The following UPF2 variants were observed in gnomAD, a reference collection of about 807,000 sequenced individuals.
UPF2 encodes the protein regulator of nonsense transcripts 2.
In UPF2, 17 loss-of-function variants were observed where a neutral mutation model predicts 141.4. The ratio of observed to expected loss-of-function variants is 0.12; its 90% CI spans 0.08 to 0.18. The LOEUF is 0.18. Among genes scored for constraint, UPF2 ranks in the 10% least tolerant of loss-of-function variants. The pLI is 1.00. For synonymous variants in UPF2, 540 were observed against 498.0 expected (o/e 1.08, Z -1.12); for missense variants, 1,152 against 1,515.9 (o/e 0.76, Z 3.99).
At position 12,028,864 on chromosome 10, in the gene UPF2, C is replaced by T; in HGVS notation, c.1026G>A (p.Glu342=). Residue 342 remains glutamate, a synonymous_variant, in exon 3 of 22, where the codon GAG becomes GAA. Transcript: ENST00000357604. ...EKFNLSFPPS[E]IISPEKQQPF... ...GCTGTTGTTTCTCTGGACTAATTAT[C>T]TCACTAGGAGGAAAACTCAAATTAA... 1 of 1,614,146 alleles carries T rather than the reference C, an allele frequency of 6.2e-7. No individual in the cohort carries two copies. Among genetic ancestry groups the T allele is most frequent in the Non-Finnish European group, 8.5e-7 (1 of 1,180,022 alleles).
At chr10:12,021,898 C>A (rs1224455006) in intron 3 of UPF2, among the ~76,000 whole-genome samples, 1 of 152,146 alleles carries the variant, frequency 6.6e-6, no homozygotes. Context: ...GTAATCTCAG[C>A]ACTTTGGGAG....
rs1832855319 is a variant in UPF2 at position 11,936,675 on chromosome 10, T to A, written c.3416A>T (p.Asp1139Val). 1 of 1,612,460 alleles carries A rather than the reference T, an allele frequency of 6.2e-7. No individual in the cohort carries two copies. Among genetic ancestry groups the A allele is most frequent in the Non-Finnish European group, 8.5e-7 (1 of 1,179,336 alleles). Residue 1139 changes from aspartate (D) to valine (V), a missense_variant, in exon 19 of 22, where the codon GAT (aspartate) becomes GTT (valine). Transcript: ENST00000357604. The surrounding 1 kb of genome is among the most constrained non-coding windows in gnomAD (Gnocchi z 6.6). The stretch of plus-strand genomic sequence containing the variant: ...TTTGAGATGCAAAGGAATGGCAACA[T>A]CTAGTTGGTGCACTTTAACAGATTC... ...SGESVKVHQL[D>V]VAIPLHLKSQ...
Position 11,929,353 on chromosome 10 carries a change from C to G in UPF2, c.3809+512G>C, listed in dbSNP as rs142396349. On this transcript the variant is annotated intron_variant, in intron 21 of 21. Transcript: ENST00000357604. Reference sequence around the variant, plus strand: ...AGAAGAAAAAAGAAGTCCACTCAGACAGGACAAAAGCCAAGATCTAGCTGA... The same window carrying G: ...AGAAGAAAAAAGAAGTCCACTCAGAGAGGACAAAAGCCAAGATCTAGCTGA... Among the ~76,000 whole-genome samples the G allele has an allele frequency of 1.6e-3, 239 of 152,336 alleles. 1 individual carries two copies. Among genetic ancestry groups the G allele is most frequent in the African/African-American group, 5.3e-3 (221 of 41,594 alleles).
At chr10:12,037,283 T>C (rs1249729203) in intron 1 of UPF2, among the ~76,000 whole-genome samples, 1 of 152,174 alleles carries the variant, frequency 6.6e-6, no homozygotes, top group Non-Finnish European at 1.5e-5. Flanking sequence ...GATTTCCCCA[T>C]GTTGACTAGG....
intron 19 of UPF2, among the ~76,000 whole-genome samples, chr10:11,933,178 G>A (rs1832802599): frequency 6.6e-6 from 1 of 152,020 alleles, no homozygotes; most frequent in Admixed American, 6.6e-5. Context: ...TGCACAAAGA[G>A]GTCTTTCACT....
intron 14 of UPF2, among the ~76,000 whole-genome samples, chr10:11,954,570 G>A (rs569734148): frequency 3.3e-5 from 5 of 150,814 alleles, no homozygotes; most frequent in South Asian, 4.2e-4. Context: ...AGAGGTGGAG[G>A]CTGCAGTGAG....
intron 3 of UPF2, among the ~76,000 whole-genome samples, chr10:12,023,510 T>TAAAAAAAAAAAAAAA (rs762703531): frequency 8.5e-6 from 1 of 117,270 alleles, no homozygotes; most frequent in Non-Finnish European, 1.8e-5. Context: ...CTGTCTCTAC[T>TAAAAAAAAAAAAAAA]AAAAAAAAAA....
chr10:11,953,494 G>C lies in UPF2; in HGVS notation c.2851-1245C>G, dbSNP rs1833103938. Among the ~76,000 whole-genome samples the C allele has an allele frequency of 6.6e-6, 1 of 152,274 alleles. No individual in the cohort carries two copies. The highest frequency in any genetic ancestry group is 6.5e-5 in the Admixed American group (1 of 15,302). On this transcript the variant is annotated intron_variant, in intron 14 of 21. Coordinates refer to ENST00000357604, the MANE Select transcript of UPF2 (RefSeq NM_015542.4). This position sits in a 1 kb window ranked among gnomAD's most constrained non-coding sequence, Gnocchi z 5.0. Reference sequence around the variant, plus strand: ...CACTCACTTCTGACTCCAATTCCTAGGTATGGCTCTGTTACACATTTTTGT... The same window carrying C: ...CACTCACTTCTGACTCCAATTCCTACGTATGGCTCTGTTACACATTTTTGT...
At chr10:11,965,769 T>C (rs1203840556) in intron 10 of UPF2, among the ~76,000 whole-genome samples, 1 of 152,178 alleles carries the variant, frequency 6.6e-6, no homozygotes, top group Middle Eastern at 3.2e-3. Flanking sequence ...TCTATTAGTA[T>C]TTTAAAAACT....
chr10:12,036,773 C>T (rs1426804567), intron 1 of UPF2, among the ~76,000 whole-genome samples: 1 of 152,198 alleles, frequency 6.6e-6, no homozygotes, highest in Non-Finnish European at 1.5e-5. Context: ...TGCCTATAAT[C>T]TCAGCACTTT....
chr10:11,970,741 C>A (rs976576956), intron 9 of UPF2, among the ~76,000 whole-genome samples: 1 of 151,958 alleles, frequency 6.6e-6, no homozygotes, highest in African/African-American at 2.4e-5. Context: ...CAACCTGGGA[C>A]GGGGAGGTTG....
chr10:11,960,485 G>A (rs1458381150), intron 11 of UPF2, among the ~76,000 whole-genome samples: 2 of 152,118 alleles, frequency 1.3e-5, no homozygotes, highest in South Asian at 2.1e-4. Context: ...GGAGGATCAC[G>A]TGAGCCCAGA....
chr10:11,979,841 G>A lies in UPF2; in HGVS notation c.1845-676C>T, dbSNP rs564889161. On this transcript the variant is annotated intron_variant, in intron 8 of 21. Coordinates refer to ENST00000357604, the MANE Select transcript of UPF2 (RefSeq NM_015542.4). This position sits in a 1 kb window ranked among gnomAD's most constrained non-coding sequence, Gnocchi z 6.2. The stretch of plus-strand genomic sequence containing the variant: ...AATTGCTTGAACCCAGGAGGTAGAA[G>A]TTGCAGTGAGCCCAGATCACGCCAC... Among the ~76,000 whole-genome samples, 20 of 152,292 alleles carry A rather than the reference G, an allele frequency of 1.3e-4. No homozygotes were observed. The highest frequency in any genetic ancestry group is 2.6e-4 in the Non-Finnish European group (18 of 68,022).
In UPF2 at chr10:11,959,065, A is replaced by T; in HGVS notation, c.2370+106T>A. 1 of 1,078,326 alleles carries T rather than the reference A, an allele frequency of 9.3e-7. No individual in the cohort carries two copies. The highest frequency in any genetic ancestry group is 1.3e-6 in the Non-Finnish European group (1 of 792,538). The allele number at this position is 1,078,326 out of a possible 1,614,324, so 66.8% of individuals were successfully genotyped here. On this transcript the variant is annotated intron_variant, in intron 12 of 21. Transcript: ENST00000357604. This position sits in a 1 kb window ranked among gnomAD's most constrained non-coding sequence, Gnocchi z 5.9. ...TAGGGTGACTTACACAGAGCTGATT[A>T]TAAAGGAACTTGAGCTCTACCCCCA...
chr10:12,025,135 T>C (rs1048643145), intron 3 of UPF2, among the ~76,000 whole-genome samples: 11 of 152,124 alleles, frequency 7.2e-5, no homozygotes, highest in Non-Finnish European at 1.3e-4. Flanking sequence ...GCTGCTCAAG[T>C]TGAAGCTATC....
chr10:11,983,001 C>T (rs1429006616), intron 8 of UPF2, among the ~76,000 whole-genome samples: 2 of 152,210 alleles, frequency 1.3e-5, no homozygotes, highest in South Asian at 4.2e-4. Flanking sequence ...CATTTGTTAC[C>T]CCTACCCACC....
At position 12,028,915 on chromosome 10, in the gene UPF2, C is replaced by T; in HGVS notation, c.975G>A (p.Arg325=). The change falls in exon 3 of 22, where the codon AGG becomes AGA. Residue 325 remains arginine, a synonymous_variant. Coordinates refer to ENST00000357604, the MANE Select transcript of UPF2 (RefSeq NM_015542.4). ...CGDDIAGLVP[R]KVKSAAEKFN... ...ACTTCTCTGCAGCACTCTTTACTTTCCTTGGTACAAGTCCAGCAATATCAT... is the reference window on the plus strand; with the variant it reads ...ACTTCTCTGCAGCACTCTTTACTTTTCTTGGTACAAGTCCAGCAATATCAT... The T allele has an allele frequency of 6.2e-7, 1 of 1,614,146 alleles. No individual in the cohort carries two copies. The highest frequency in any genetic ancestry group is 1.7e-5 in the Admixed American group (1 of 60,000).
chr10:12,019,619 G>C lies in UPF2; in HGVS notation c.1146-5435C>G, dbSNP rs1454214923. Among the ~76,000 whole-genome samples, 1 of 152,118 alleles carries C rather than the reference G, an allele frequency of 6.6e-6. No homozygotes were observed. Among genetic ancestry groups the C allele is most frequent in the Admixed American group, 6.5e-5 (1 of 15,270 alleles). ...AAATCTATGCCAACTCTTATGCTTT[G>C]TTATAAAAATAAAAAAAAATTGCCT... On this transcript the variant is annotated intron_variant, in intron 3 of 21. Transcript: ENST00000357604. The surrounding 1 kb of genome is among the most constrained non-coding windows in gnomAD (Gnocchi z 4.5).
At chr10:12,015,646 G>A (rs1834204941) in intron 3 of UPF2, among the ~76,000 whole-genome samples, 1 of 152,180 alleles carries the variant, frequency 6.6e-6, no homozygotes, top group South Asian at 2.1e-4. Flanking sequence ...AGGTTGCAGT[G>A]AGCCGAGATC....
Sources: gnomAD v4.1 joint callset for allele counts (sites outside exome capture counted in the v4.1 genomes callset) on GRCh38, gnomAD v4.1.1 for gene constraint, Gnocchi (gnomAD v3.1) non-coding constraint, MANE v1.5 for transcripts, NCBI Gene and HGNC (gene_info 2026-07-23, HGNC 2026-07-21) for gene names.